The following PCDHA5 variants were observed in gnomAD, a reference collection of about 807,000 sequenced individuals.
PCDHA5 encodes protocadherin alpha 5.
A neutral mutation model predicts 61.6 loss-of-function variants in PCDHA5; 43 were observed. That is an observed-to-expected ratio of 0.70 (90% CI 0.55 to 0.90). The LOEUF (loss-of-function observed/expected upper bound fraction) is 0.90. Among genes scored for constraint, PCDHA5 ranks in the 40% least tolerant of loss-of-function variants. The pLI is 0.00. For synonymous variants in PCDHA5, 627 were observed against 543.9 expected, an observed-to-expected ratio of 1.15 and a Z score of -2.13; for missense variants, 1,298 against 1,222.7, an observed-to-expected ratio of 1.06 and a Z score of -0.92.
chr5:140,849,133 C>T, intron 1 of PCDHA5: 2 of 1,357,922 alleles, frequency 1.5e-6, no homozygotes, highest in South Asian at 2.6e-5. Flanking sequence ...TTATTGCTCA[C>T]GGCCACCGAT....
intron 3 of PCDHA5, among the ~76,000 whole-genome samples, chr5:141,007,395 C>CAAAAAAAA (rs35800918): frequency 4.0e-3 from 379 of 94,450 alleles, no homozygotes; most frequent in Non-Finnish European, 5.7e-3. Context: ...TACTAAAATA[C>CAAAAAAAA]AAAAAAAAAA....
At position 140,927,570 on chromosome 5, in the gene PCDHA5, A is replaced by G. The variant is rs568227710; in HGVS notation, c.2353-51379A>G. 5.0e-5 allele frequency: 80 copies of G among 1,614,066 alleles called. 1 individual carries two copies. Among genetic ancestry groups the G allele is most frequent in the Middle Eastern group, 4.9e-4 (3 of 6,084 alleles). On this transcript the variant is annotated intron_variant, in intron 1 of 3. Transcript: ENST00000529859. ...AAGTCACCATCATTGTGGTGGACAC[A>G]AATGACAACGCGCCTGTATTTGAGC...
chr5:140,836,968 T>A, intron 1 of PCDHA5: 1 of 385,792 alleles, frequency 2.6e-6, no homozygotes, highest in South Asian at 6.2e-5. Flanking sequence ...TTGGCTACTC[T>A]CCATTTTTGG....
intron 1 of PCDHA5, among the ~76,000 whole-genome samples, chr5:140,855,119 T>C (rs2043346913): frequency 1.3e-5 from 2 of 149,812 alleles, no homozygotes; most frequent in African/African-American, 4.9e-5. Flanking sequence ...AGGCATTCTA[T>C]AGGTAATAAT....
intron 1 of PCDHA5, chr5:140,836,529 C>T (rs2150262984): frequency 6.2e-7 from 1 of 1,613,824 alleles, no homozygotes; most frequent in Admixed American, 1.7e-5. Flanking sequence ...GCTTACCCTG[C>T]TGCTGTACAC....
intron 1 of PCDHA5, chr5:140,870,402 T>A (rs782585618): frequency 3.7e-6 from 6 of 1,614,230 alleles, no homozygotes; most frequent in Middle Eastern, 1.6e-4. Context: ...GTTCGCCTTC[T>A]CTGTGGGCCA....
At chr5:140,828,292 C>A in intron 1 of PCDHA5, 2 of 1,614,104 alleles carry the variant, frequency 1.2e-6, no homozygotes, top group Non-Finnish European at 1.7e-6. Flanking sequence ...TCAGGATGGC[C>A]TCCAAAGACC....
At chr5:140,882,333 C>A in intron 1 of PCDHA5, 1 of 1,614,220 alleles carries the variant, frequency 6.2e-7, no homozygotes, top group Non-Finnish European at 8.5e-7. Context: ...CTGATCCTCG[C>A]AGCCTGGGAG....
chr5:140,927,078 C>T, intron 1 of PCDHA5: 1 of 1,611,014 alleles, frequency 6.2e-7, no homozygotes, highest in Non-Finnish European at 8.5e-7. Context: ...CCAGCCACCG[C>T]GAGCTCTACT....
At chr5:140,880,095 A>G (rs2058235665) in intron 1 of PCDHA5, among the ~76,000 whole-genome samples, 1 of 152,246 alleles carries the variant, frequency 6.6e-6, no homozygotes, top group South Asian at 2.1e-4. Flanking sequence ...AGTAGGCTTA[A>G]AATCATAGAA....
At chr5:140,882,607 T>C (rs1313419888) in intron 1 of PCDHA5, 35 of 1,614,242 alleles carry the variant, frequency 2.2e-5, no homozygotes, top group Non-Finnish European at 3.0e-5. Flanking sequence ...TGGACAGGCC[T>C]CTGCAGGTTT....
Position 140,979,003 on chromosome 5 carries a change from C to G in PCDHA5, c.2407C>G (p.His803Asp). ...RYSASLRAGM[H>D]SSVHLEEAGI... Reference sequence around the variant, plus strand: ...CTCTGCCTCCCTGAGAGCAGGCATGCACAGGTATGTATTTCCCTCCTCATT... The same window carrying G: ...CTCTGCCTCCCTGAGAGCAGGCATGGACAGGTATGTATTTCCCTCCTCATT... The change falls in exon 2 of 4, where the codon CAC becomes GAC. Residue 803 changes from histidine (H) to aspartate (D), a missense_variant. By Grantham distance (81) the His-to-Asp change is moderately conservative. Transcript: ENST00000529859. 1.2e-6 allele frequency: 2 copies of G among 1,614,144 alleles called. No homozygotes were observed. The highest frequency in any genetic ancestry group is 1.7e-6 in the Non-Finnish European group (2 of 1,180,022).
Position 140,848,663 on chromosome 5 carries a change from G to A in PCDHA5, c.2352+24536G>A, listed in dbSNP as rs2150416390. ...TCGCGCAGGACCTGGGGCTGGAGCT[G>A]GCGGAGCTGGTGCCGCGCCTGTTCC... On this transcript the variant is annotated intron_variant, in intron 1 of 3. Transcript: ENST00000529859. 3.8e-6 allele frequency: 6 copies of A among 1,592,360 alleles called. No homozygotes were observed. In the Admixed American group the frequency reaches 5.1e-5, roughly 13 times the overall value.
chr5:140,928,917 G>A (rs181013464), intron 1 of PCDHA5: 4 of 1,614,134 alleles, frequency 2.5e-6, no homozygotes, highest in Admixed American at 1.7e-5. Context: ...AACCAGGAGG[G>A]CAGCTTTCTG....
At chr5:140,970,146 C>A (rs1408492600) in intron 1 of PCDHA5, among the ~76,000 whole-genome samples, 3 of 152,156 alleles carry the variant, frequency 2.0e-5, no homozygotes, top group Admixed American at 6.5e-5. Context: ...AAAAAGAATT[C>A]TCCCAATAGT....
chr5:140,877,049 A>G (rs1554169270), intron 1 of PCDHA5: 4 of 1,612,684 alleles, frequency 2.5e-6, no homozygotes, highest in Middle Eastern at 3.9e-4. Context: ...CTAGACCACG[A>G]GGAGCTGGAG....
At chr5:140,841,894 G>C in intron 1 of PCDHA5, 1 of 1,613,814 alleles carries the variant, frequency 6.2e-7, no homozygotes. Flanking sequence ...AGAATAAACT[G>C]GTTGAGCTCG....
chr5:140,839,588 C>T lies in PCDHA5; in HGVS notation c.2352+15461C>T, dbSNP rs145358613. 8.3e-3 allele frequency among the ~76,000 whole-genome samples: 1,255 copies of T among 152,068 alleles called. 26 individuals are homozygous for T. Among genetic ancestry groups the T allele is most frequent in the African/African-American group, 0.029 (1,202 of 41,420 alleles). On this transcript the variant is annotated intron_variant, in intron 1 of 3. Transcript: ENST00000529859. ...TATTTTTTGTAGAGATGGGGTCTTACCATGTTGCCCAGGCTGGTCTCAAAC... is the reference window on the plus strand; with the variant it reads ...TATTTTTTGTAGAGATGGGGTCTTATCATGTTGCCCAGGCTGGTCTCAAAC...
intron 1 of PCDHA5, chr5:140,869,517 A>G: frequency 6.2e-7 from 1 of 1,614,200 alleles, no homozygotes; most frequent in Non-Finnish European, 8.5e-7. Flanking sequence ...TCAGAGAACA[A>G]AAGCTGCTGA....
Sources: allele counts gnomAD v4.1 joint callset (sites outside exome capture counted in the v4.1 genomes callset), GRCh38; gene constraint gnomAD v4.1.1; transcripts MANE v1.5; gene names NCBI Gene and HGNC (gene_info 2026-07-23, HGNC 2026-07-21).